EOGT: variants seen among roughly 807,000 people sequenced by gnomAD.
EOGT encodes the protein EGF domain-specific O-linked N-acetylglucosamine transferase.
In EOGT, 55 loss-of-function variants were observed where a neutral mutation model predicts 70.5. That is an observed-to-expected ratio of 0.78 (90% CI 0.63 to 0.98). The LOEUF (loss-of-function observed/expected upper bound fraction) is 0.98. Ranked by LOEUF, EOGT falls within the 50% of genes least tolerant of loss-of-function variation. The pLI is 0.00. For missense variants in EOGT, 703 were observed against 641.9 expected (o/e 1.10, Z -1.03); for synonymous variants, 246 against 217.1 (o/e 1.13, Z -1.17).
At chr3:69,002,987 T>G (rs1250142839) in intron 8 of EOGT, among the ~76,000 whole-genome samples, 1 of 152,164 alleles carries the variant, frequency 6.6e-6, no homozygotes, top group Non-Finnish European at 1.5e-5. Flanking sequence ...ACATTTGACC[T>G]TACAAATTAA....
At chr3:69,001,795 AT>A in intron 8 of EOGT, 81 bp from the exon 9 acceptor site, 1 of 938,146 alleles carries the variant, frequency 1.1e-6, no homozygotes, top group Non-Finnish European at 1.7e-6. Flanking sequence ...GGATCTGTTC[AT>A]TAGGCAGATT....
At position 69,001,687 on chromosome 3, in the gene EOGT, C is replaced by G. The variant is rs1358302211; in HGVS notation, c.648G>C (p.Gln216His). The G allele has an allele frequency of 1.9e-6, 3 of 1,611,246 alleles. No homozygotes were observed. Among genetic ancestry groups the G allele is most frequent in the Non-Finnish European group, 2.5e-6 (3 of 1,179,098 alleles). ...CATCTTCTATAGGTCTGAAGTTGAGCTGAGTATAGCTTTGTAGCTCAGCAA... is the reference window on the plus strand; with the variant it reads ...CATCTTCTATAGGTCTGAAGTTGAGGTGAGTATAGCTTTGTAGCTCAGCAA... ...SWFAELQSYT[Q>H]LNFRPIEDAK... Residue 216 changes from glutamine to histidine, a missense_variant, in exon 9 of 18, where the codon CAG (glutamine) becomes CAC (histidine). Transcript: ENST00000383701.
chr3:68,981,909 C>G (rs1370691556), intron 15 of EOGT, among the ~76,000 whole-genome samples: 2 of 150,612 alleles, frequency 1.3e-5, no homozygotes, highest in African/African-American at 4.9e-5. Flanking sequence ...AACTAGTTGC[C>G]AATTTTTTTT....
At chr3:69,013,486 G>C (rs2091631356) in intron 1 of EOGT, 88 bp downstream of exon 1, 1 of 152,452 alleles carries the variant, frequency 6.6e-6, no homozygotes, top group Non-Finnish European at 1.5e-5. Flanking sequence ...GCCGGGAGCG[G>C]CTACCACCCG....
intron 10 of EOGT, among the ~76,000 whole-genome samples, chr3:68,994,990 C>T (rs1354495956): frequency 6.6e-6 from 1 of 152,146 alleles, no homozygotes; most frequent in Non-Finnish European, 1.5e-5. Context: ...GAAGATGCCA[C>T]ATGCTGAAGG....
chr3:68,982,443 C>T (rs1335194912), intron 15 of EOGT, among the ~76,000 whole-genome samples: 2 of 152,074 alleles, frequency 1.3e-5, no homozygotes, highest in African/African-American at 2.4e-5. Flanking sequence ...TTACTTGAAC[C>T]CAGGAGGTGG....
At chr3:69,005,257 GAATGACTCTGAGTATTAAC>G (rs1387799168) in intron 6 of EOGT, 23 bp from the exon 7 acceptor site, 12 of 1,364,658 alleles carry the variant, frequency 8.8e-6, no homozygotes, top group Non-Finnish European at 1.2e-5. Context: ...CAAAAGAAAA[GAATGACTCTGAGTATTAAC>G]ACAGCAAAGA....
chr3:69,005,249 A>T lies in EOGT; in HGVS notation c.421-15T>A. On this transcript the variant is annotated splice_polypyrimidine_tract_variant and intron_variant, in intron 6 of 17. Coordinates refer to ENST00000383701, the MANE Select transcript of EOGT (RefSeq NM_001278689.2). ...CTTGAGTCACTCTGAAGGTTGAGCA[A>T]AAGAAAAGAATGACTCTGAGTATTA... 6.8e-7 allele frequency: 1 copy of T among 1,467,026 alleles called. No individual in the cohort carries two copies. The highest frequency in any genetic ancestry group is 9.5e-7 in the Non-Finnish European group (1 of 1,053,658). The allele number at this position is 1,467,026 out of a possible 1,614,324, so 90.9% of individuals were successfully genotyped here. A position where few individuals can be genotyped will look rare whatever the true frequency, so the allele number is the denominator to read the frequency against.
At chr3:69,007,051 T>A (rs548853516) in intron 6 of EOGT, among the ~76,000 whole-genome samples, 9 of 152,244 alleles carry the variant, frequency 5.9e-5, no homozygotes, top group Non-Finnish European at 1.2e-4. Flanking sequence ...ATATCATCTG[T>A]CCCAAACTAT....
rs2091528347 is a variant in EOGT at position 69,009,803 on chromosome 3, G to A, written c.44C>T (p.Ser15Leu). 1 of 1,613,916 alleles carries A rather than the reference G, an allele frequency of 6.2e-7. No individual in the cohort carries two copies. The highest frequency in any genetic ancestry group is 2.2e-5 in the East Asian group (1 of 44,868). ...FVFGVLLHEVSLSGQNEAPPN... is the reference protein window; with the variant it reads ...FVFGVLLHEVLLSGQNEAPPN... ...AGGAGCTTCATTCTGACCACTCAGT[G>A]AGACTTCATGAAGTAAGACTCCAAA... The change falls in exon 4 of 18, where the codon TCA becomes TTA. Residue 15 changes from serine to leucine, a missense_variant. By Grantham distance (145) the Ser-to-Leu change is moderately radical. Coordinates refer to ENST00000383701, the MANE Select transcript of EOGT (RefSeq NM_001278689.2).
intron 14 of EOGT, among the ~76,000 whole-genome samples, chr3:68,984,616 C>T (rs2090752043): frequency 6.6e-6 from 1 of 152,144 alleles, no homozygotes; most frequent in South Asian, 2.1e-4. Flanking sequence ...CAGGAGCTGC[C>T]TTTCTAGTAA....
chr3:69,001,540 C>T lies in EOGT; in HGVS notation c.727+68G>A, dbSNP rs929464524. 6.6e-6 allele frequency: 7 copies of T among 1,054,596 alleles called. No homozygotes were observed. The East Asian group carries it at 1.5e-4, about 23-fold the overall frequency. 65.3% of individuals were successfully genotyped at this position (1,054,596 alleles called of 1,614,324 possible). A position where few individuals can be genotyped will look rare whatever the true frequency, so the allele number is the denominator to read the frequency against. Reference sequence around the variant, plus strand: ...CTTCCAAAAAATTCAGAGAGAATTACTACATCCAAAAAAAGGAATAATATC... The same window carrying T: ...CTTCCAAAAAATTCAGAGAGAATTATTACATCCAAAAAAAGGAATAATATC... On this transcript the variant is annotated intron_variant, in intron 9 of 17. Coordinates refer to ENST00000383701, the MANE Select transcript of EOGT (RefSeq NM_001278689.2).
intron 8 of EOGT, among the ~76,000 whole-genome samples, chr3:69,003,370 C>T (rs1215012879): frequency 6.6e-6 from 1 of 152,156 alleles, no homozygotes; most frequent in Non-Finnish European, 1.5e-5. Flanking sequence ...TAGCTCCCAT[C>T]ATGGGAGGCA....
At chr3:69,006,703 A>T (rs2091446752) in intron 6 of EOGT, among the ~76,000 whole-genome samples, 1 of 152,210 alleles carries the variant, frequency 6.6e-6, no homozygotes, top group South Asian at 2.1e-4. Context: ...AAGACTCAGG[A>T]TCTGAATTGT....
Position 68,987,496 on chromosome 3 carries a change from G to A in EOGT, c.1101C>T (p.Val367=), listed in dbSNP as rs1308942317. 1 of 1,613,760 alleles carries A rather than the reference G, an allele frequency of 6.2e-7. No homozygotes were observed. Reference sequence around the variant, plus strand: ...ATTCTGTGCTCCGTGCAAGAATGGTGACTCGAATTTTTCCATCCTGTAATC... The same window carrying A: ...ATTCTGTGCTCCGTGCAAGAATGGTAACTCGAATTTTTCCATCCTGTAATC... ...QEGPKDGKIR[V]TILARSTEYR... Residue 367 remains valine, a synonymous_variant, in exon 14 of 18, where the codon GTC becomes GTT. Transcript: ENST00000383701.
At chr3:69,001,253 C>A (rs9852766) in intron 9 of EOGT, among the ~76,000 whole-genome samples, 1,995 of 152,148 alleles carry the variant, frequency 0.013, 42 homozygotes, top group African/African-American at 0.046. Context: ...CCACCGCGCC[C>A]GGCTTAGCTT....
chr3:69,001,861 C>A (rs942189539), intron 8 of EOGT, 147 bp from the exon 9 acceptor site: 1 of 619,306 alleles, frequency 1.6e-6, no homozygotes, highest in African/African-American at 1.9e-5. Context: ...CTAAAACTTA[C>A]TGACTTTTAT....
In EOGT at chr3:68,988,325, G is replaced by A; in HGVS notation, c.1053C>T (p.His351=). The A allele has an allele frequency of 6.5e-7, 1 of 1,536,004 alleles. No homozygotes were observed. Among genetic ancestry groups the A allele is most frequent in the Non-Finnish European group, 8.7e-7 (1 of 1,146,756 alleles). ...GTCCTTCTTGTGTGATGTTTAGTCTGTGTAGTACATGCTGGGCAAATGCCC... is the reference window on the plus strand; with the variant it reads ...GTCCTTCTTGTGTGATGTTTAGTCTATGTAGTACATGCTGGGCAAATGCCC... ...LFRAFAQHVL[H]RLNITQEGPK... The change falls in exon 13 of 18, where the codon CAC becomes CAT. Residue 351 remains histidine, a synonymous_variant. Transcript: ENST00000383701.
At chr3:68,999,728 G>A (rs1308418991) in intron 9 of EOGT, among the ~76,000 whole-genome samples, 1 of 152,134 alleles carries the variant, frequency 6.6e-6, no homozygotes, top group Non-Finnish European at 1.5e-5. Context: ...GTTAGCCATA[G>A]AGCACACATG....
Sources: gnomAD v4.1 joint callset for allele counts (sites outside exome capture counted in the v4.1 genomes callset) on GRCh38, gnomAD v4.1.1 for gene constraint, MANE v1.5 for transcripts, NCBI Gene and HGNC (gene_info 2026-07-23, HGNC 2026-07-21) for gene names.